EXOC4: variants seen among roughly 807,000 people sequenced by gnomAD.
EXOC4 encodes exocyst complex component 4, also known as SEC8-like 1.
A neutral mutation model predicts 107.2 loss-of-function variants in EXOC4; 71 were observed. That is an observed-to-expected ratio of 0.66 (90% CI 0.55 to 0.81). The LOEUF is 0.81. Ranked by LOEUF, EXOC4 falls within the 30% of genes least tolerant of loss-of-function variation. The pLI is 0.00. For missense variants in EXOC4, 1,108 were observed against 1,189.6 expected (o/e 0.93, Z 1.01); for synonymous variants, 456 against 441.2 (o/e 1.03, Z -0.42).
chr7:133,453,277 G>A (rs1798389238), intron 7 of EXOC4, among the ~76,000 whole-genome samples: 1 of 152,166 alleles, frequency 6.6e-6, no homozygotes, highest in African/African-American at 2.4e-5. Context: ...ATATAGGCAT[G>A]GAATATAGTA....
At chr7:133,457,905 A>G (rs1283744014) in intron 7 of EXOC4, among the ~76,000 whole-genome samples, 1 of 152,190 alleles carries the variant, frequency 6.6e-6, no homozygotes, top group Non-Finnish European at 1.5e-5. Flanking sequence ...CTAACAATGT[A>G]TGCTTTTCTT....
chr7:133,676,065 C>T (rs1362134474), intron 10 of EXOC4, among the ~76,000 whole-genome samples: 1 of 151,952 alleles, frequency 6.6e-6, no homozygotes, highest in Non-Finnish European at 1.5e-5. Context: ...TCTGTTAGTG[C>T]AACTCAGTCA....
chr7:133,741,256 T>C (rs1261445880), intron 10 of EXOC4, among the ~76,000 whole-genome samples: 1 of 152,150 alleles, frequency 6.6e-6, no homozygotes, highest in East Asian at 1.9e-4. Context: ...ACAGGTCTGT[T>C]CTTATTCATA....
intron 10 of EXOC4, among the ~76,000 whole-genome samples, chr7:133,745,176 T>C (rs953158175): frequency 6.6e-6 from 1 of 152,092 alleles, no homozygotes; most frequent in African/African-American, 2.4e-5. Flanking sequence ...TCCATATTTT[T>C]TGTCTTTACC....
intron 9 of EXOC4, among the ~76,000 whole-genome samples, chr7:133,504,983 G>A (rs921153642): frequency 2.6e-5 from 4 of 152,074 alleles, no homozygotes; most frequent in Non-Finnish European, 5.9e-5. Flanking sequence ...CAAAGCAATG[G>A]GTTGGCAGAG....
intron 10 of EXOC4, among the ~76,000 whole-genome samples, chr7:133,708,273 A>G (rs1585093521): frequency 6.6e-6 from 1 of 152,340 alleles, no homozygotes; most frequent in South Asian, 2.1e-4. Flanking sequence ...ATTTATTATC[A>G]TAATCTCTTG....
chr7:133,637,055 G>C (rs1231738674), intron 10 of EXOC4, among the ~76,000 whole-genome samples: 1 of 152,306 alleles, frequency 6.6e-6, no homozygotes, highest in South Asian at 2.1e-4. Context: ...TTGTGAAATA[G>C]CTTTGAAATG....
chr7:133,823,871 A>ATATATATATATATATT (rs1563014863), intron 11 of EXOC4, among the ~76,000 whole-genome samples: 4 of 14,320 alleles, frequency 2.8e-4, no homozygotes, highest in Non-Finnish European at 2.0e-4. Flanking sequence ...ATATATATAT[A>ATATATATATATATATT]TTATATATAT....
intron 10 of EXOC4, among the ~76,000 whole-genome samples, chr7:133,736,112 C>T (rs1795439616): frequency 6.6e-6 from 1 of 151,968 alleles, no homozygotes; most frequent in Non-Finnish European, 1.5e-5. Flanking sequence ...TATTTATTTT[C>T]TCTATGTCCA....
chr7:133,348,052 A>G (rs1247806397), intron 5 of EXOC4, among the ~76,000 whole-genome samples: 4 of 152,168 alleles, frequency 2.6e-5, no homozygotes, highest in Non-Finnish European at 4.4e-5. Flanking sequence ...AAATACGTAT[A>G]TTTTGTTATA....
chr7:133,472,506 T>G (rs1194678971), intron 7 of EXOC4, among the ~76,000 whole-genome samples: 3 of 152,088 alleles, frequency 2.0e-5, no homozygotes, highest in Middle Eastern at 3.2e-3. Context: ...GGAATTAATG[T>G]TTTTATGGGA....
chr7:133,282,713 C>T (rs1341856106), intron 2 of EXOC4, among the ~76,000 whole-genome samples: 1 of 151,842 alleles, frequency 6.6e-6, no homozygotes, highest in Non-Finnish European at 1.5e-5. Flanking sequence ...AATATGTATA[C>T]ACTGTGGAAT....
chr7:133,805,712 G>A (rs1797059988), intron 10 of EXOC4, among the ~76,000 whole-genome samples: 1 of 152,152 alleles, frequency 6.6e-6, no homozygotes, highest in Admixed American at 6.5e-5. Flanking sequence ...GAACCAGCTT[G>A]TACAGAGACT....
At chr7:133,874,606 T>TG (rs1373552121) in intron 11 of EXOC4, among the ~76,000 whole-genome samples, 2 of 152,190 alleles carry the variant, frequency 1.3e-5, no homozygotes, top group Admixed American at 6.5e-5. Flanking sequence ...ACCTCTGAGG[T>TG]GCACGCGTAA....
At chr7:133,294,988 C>T (rs369231275) in intron 3 of EXOC4, among the ~76,000 whole-genome samples, 2 of 151,700 alleles carry the variant, frequency 1.3e-5, no homozygotes, top group African/African-American at 4.8e-5. Flanking sequence ...CAAGGGTTGT[C>T]GAATGGATTA....
intron 11 of EXOC4, among the ~76,000 whole-genome samples, chr7:133,872,345 A>G (rs1344966867): frequency 6.6e-6 from 1 of 152,216 alleles, no homozygotes; most frequent in Admixed American, 6.5e-5. Context: ...TGGTAGCCAC[A>G]TATTTAAGGT....
intron 14 of EXOC4, among the ~76,000 whole-genome samples, chr7:133,968,443 T>C (rs980973683): frequency 1.3e-5 from 2 of 152,218 alleles, no homozygotes; most frequent in African/African-American, 4.8e-5. Flanking sequence ...GTCAATGGTC[T>C]TTACAATTTG....
chr7:133,608,673 T>C (rs12666953), intron 9 of EXOC4, among the ~76,000 whole-genome samples: 98,535 of 150,412 alleles, frequency 0.66, 32,737 homozygotes, highest in South Asian at 0.72. Context: ...CCCCAGCTCC[T>C]GAGTAGCTGG....
intron 11 of EXOC4, among the ~76,000 whole-genome samples, chr7:133,833,673 C>T (rs1312741350): frequency 6.6e-6 from 1 of 152,158 alleles, no homozygotes; most frequent in Admixed American, 6.5e-5. Flanking sequence ...GATGATCCTC[C>T]CAACTCAGCC....
Sources: gnomAD v4.1 joint callset for allele counts (sites outside exome capture counted in the v4.1 genomes callset) on GRCh38, gnomAD v4.1.1 for gene constraint, MANE v1.5 for transcripts, NCBI Gene and HGNC (gene_info 2026-07-23, HGNC 2026-07-21) for gene names.